DMD: variants seen among roughly 807,000 people sequenced by gnomAD.
The protein encoded by DMD is dystrophin, also known as mutant dystrophin.
Under a neutral mutation model 330.1 loss-of-function variants are expected in DMD, and 63 were observed. That is an observed-to-expected ratio of 0.19 (90% confidence interval 0.16 to 0.24). The LOEUF (loss-of-function observed/expected upper bound fraction) is 0.24, where lower values mean the gene tolerates loss of function less well. DMD is among the 10% of genes least tolerant of loss of function. The probability of loss-of-function intolerance (pLI) is 1.00; values close to 1 mark genes in which losing one functional copy is unlikely to be tolerated. For missense variants in DMD, 3,344 were observed against 2,684.1 expected, an observed-to-expected ratio of 1.25 and a Z score of -5.43; for synonymous variants, 1,223 against 959.8, an observed-to-expected ratio of 1.27 and a Z score of -5.07.
rs754375414 is a variant in DMD, at chrX:32,823,431, T to C, written c.265-44A>G. The C allele has an allele frequency of 3.1e-5, 26 of 851,435 alleles. No homozygotes were observed. The South Asian group carries it at 5.4e-4, about 18-fold the overall frequency. The allele number at this position is 851,435 out of a possible 1,213,427, so 70.2% of individuals were successfully genotyped here. A position where few individuals can be genotyped will look rare whatever the true frequency, so the allele number is the denominator to read the frequency against. ...AAACATTTGAAGGTAAGAGACCAAA[T>C]GCCTAGTTGCAATAATAATAATAAT... On this transcript the variant is annotated intron_variant, in intron 4 of 78. Transcript: ENST00000357033.
chrX:32,033,174 A>G (rs916075933), intron 44 of DMD, among the ~76,000 whole-genome samples: 8 of 111,526 alleles, frequency 7.2e-5, no homozygotes, highest in African/African-American at 2.6e-4. Context: ...GGTATCTAAA[A>G]CAGTCAAACT....
At chrX:31,731,978 A>T (rs2086539965) in intron 51 of DMD, among the ~76,000 whole-genome samples, 1 of 111,502 alleles carries the variant, frequency 9.0e-6, no homozygotes. Flanking sequence ...ATGTCAACTT[A>T]GACTCAAAAC....
intron 2 of DMD, among the ~76,000 whole-genome samples, chrX:32,870,377 A>C (rs5927107): frequency 9.1e-6 from 1 of 110,304 alleles, no homozygotes; most frequent in African/African-American, 3.3e-5. Context: ...ATTCAATGCT[A>C]TTCCCATTTA....
chrX:31,264,852 T>C (rs897883588), intron 62 of DMD, among the ~76,000 whole-genome samples: 4 of 112,652 alleles, frequency 3.6e-5, no homozygotes, highest in African/African-American at 1.3e-4. Context: ...TGCAAGGTTA[T>C]TATAACTGCC....
intron 1 of DMD, among the ~76,000 whole-genome samples, chrX:33,228,941 G>C (rs1263802071): frequency 9.1e-6 from 1 of 110,235 alleles, no homozygotes; most frequent in Non-Finnish European, 1.9e-5. Context: ...TCTCACTGTG[G>C]TTTCAATTTA....
intron 57 of DMD, among the ~76,000 whole-genome samples, chrX:31,492,669 T>C (rs1353067847): frequency 9.0e-6 from 1 of 111,622 alleles, no homozygotes; most frequent in Non-Finnish European, 1.9e-5. Context: ...ATGTGGCACA[T>C]GTACACCATG....
At chrX:31,723,119 G>C (rs2085708548) in intron 52 of DMD, among the ~76,000 whole-genome samples, 1 of 109,269 alleles carries the variant, frequency 9.2e-6, no homozygotes. Context: ...GGGGTTGTGT[G>C]GGGGGTGGGT....
intron 44 of DMD, among the ~76,000 whole-genome samples, chrX:32,074,335 G>A (rs768613892): frequency 1.8e-5 from 2 of 111,346 alleles, no homozygotes; most frequent in Non-Finnish European, 3.8e-5. Flanking sequence ...TGAAGAAACG[G>A]CGTTTACTAT....
At chrX:31,356,159 G>A (rs1294880570) in intron 60 of DMD, among the ~76,000 whole-genome samples, 2 of 111,886 alleles carry the variant, frequency 1.8e-5, no homozygotes, top group African/African-American at 6.5e-5. Flanking sequence ...GAAACAACTA[G>A]TGCTAACATG....
In DMD at chrX:32,777,277, T is replaced by TGGGGGGGTGGGGGGGTTGGG. The variant is rs1557019852; in HGVS notation, c.649+32215_649+32216insCCCAACCCCCCCACCCCCCC. ...CTAGTTTTTAAGTTTGGTTTCTGGT[T>TGGGGGGGTGGGGGGGTTGGG]GGGGGGGGAATCCTACCAAGCTAGG... On this transcript the variant is annotated intron_variant, in intron 7 of 78. Coordinates refer to ENST00000357033, the MANE Select transcript of DMD (RefSeq NM_004006.3). 9.5e-4 allele frequency among the ~76,000 whole-genome samples: 2 copies of TGGGGGGGTGGGGGGGTTGGG among 2,111 alleles called. 1 individual carries two copies. The highest frequency in any genetic ancestry group is 1.4e-3 in the Non-Finnish European group (2 of 1,428). 1.8% of individuals were successfully genotyped at this position (2,111 alleles called of 115,157 possible). A position where few individuals can be genotyped will look rare whatever the true frequency, so the allele number is the denominator to read the frequency against.
intron 62 of DMD, among the ~76,000 whole-genome samples, chrX:31,313,397 T>C (rs2055696541): frequency 9.0e-6 from 1 of 111,700 alleles, no homozygotes; most frequent in Non-Finnish European, 1.9e-5. Flanking sequence ...ATGCCCAAGA[T>C]GGCAGCCTCA....
intron 55 of DMD, among the ~76,000 whole-genome samples, chrX:31,612,602 C>T (rs767432540): frequency 3.0e-4 from 33 of 111,525 alleles, no homozygotes; most frequent in African/African-American, 7.2e-4. Context: ...CTTAAGGCTG[C>T]GCTGTGCTCA....
intron 44 of DMD, among the ~76,000 whole-genome samples, chrX:32,099,563 G>GA (rs762703492): frequency 0.027 from 2,937 of 109,631 alleles, 43 homozygotes; most frequent in Non-Finnish European, 0.041. Context: ...TATGCAGCCA[G>GA]AAAAAATGAT....
At chrX:32,307,826 A>AT (rs1020202091) in intron 42 of DMD, among the ~76,000 whole-genome samples, 1 of 111,172 alleles carries the variant, frequency 9.0e-6, no homozygotes, top group Non-Finnish European at 1.9e-5. Context: ...CATGAAAATG[A>AT]TTTTTTCTTA....
At chrX:31,838,049 C>A (rs975159580) in intron 48 of DMD, among the ~76,000 whole-genome samples, 2 of 111,676 alleles carry the variant, frequency 1.8e-5, no homozygotes, top group Non-Finnish European at 3.8e-5. Flanking sequence ...CTGCCCCTTG[C>A]CAAGAAAACA....
chrX:33,296,802 T>G, intron 1 of DMD, among the ~76,000 whole-genome samples: 1 of 111,573 alleles, frequency 9.0e-6, no homozygotes, highest in East Asian at 2.8e-4. Context: ...TAGTACCTGG[T>G]TGAAATTTTT....
intron 45 of DMD, among the ~76,000 whole-genome samples, chrX:31,960,213 T>C (rs1464719032): frequency 1.8e-5 from 2 of 111,201 alleles, no homozygotes; most frequent in Non-Finnish European, 3.8e-5. Flanking sequence ...ATAACTTGCA[T>C]AGCCAGGTCA....
chrX:33,120,289 T>C (rs1167496593), intron 1 of DMD, among the ~76,000 whole-genome samples: 1 of 111,619 alleles, frequency 9.0e-6, no homozygotes, highest in Admixed American at 9.6e-5. Flanking sequence ...AGCACATTAT[T>C]CTGGGGCTCA....
At chrX:31,536,665 C>T (rs781368414) in intron 55 of DMD, among the ~76,000 whole-genome samples, 52 of 111,719 alleles carry the variant, frequency 4.7e-4, no homozygotes, top group Non-Finnish European at 8.1e-4. Flanking sequence ...AACAATCCTA[C>T]TTAACCTTTC....
Sources: gnomAD v4.1 joint callset for allele counts (sites outside exome capture counted in the v4.1 genomes callset) on GRCh38, gnomAD v4.1.1 for gene constraint, MANE v1.5 for transcripts, NCBI Gene and HGNC (gene_info 2026-07-23, HGNC 2026-07-21) for gene names.